The following GRM8 variants were observed in gnomAD, a reference collection of about 807,000 sequenced individuals.
GRM8 encodes glutamate metabotropic receptor 8, also known as metabotropic glutamate receptor 8.
A neutral mutation model predicts 87.2 loss-of-function variants in GRM8; 47 were observed. That is an observed-to-expected ratio of 0.54 (90% CI 0.43 to 0.69). GRM8 has a LOEUF of 0.69. Ranked by LOEUF, GRM8 falls within the 30% of genes least tolerant of loss-of-function variation. GRM8 has a pLI of 0.00. For missense variants in GRM8, 1,019 were observed against 1,139.2 expected (o/e 0.89, Z 1.52); for synonymous variants, 396 against 404.5 (o/e 0.98, Z 0.25).
intron 6 of GRM8, among the ~76,000 whole-genome samples, chr7:126,879,452 T>A (rs990743288): frequency 2.0e-5 from 3 of 152,194 alleles, no homozygotes; most frequent in Admixed American, 6.5e-5. Context: ...TGTAATTATA[T>A]CTAAATGTTC....
intron 6 of GRM8, among the ~76,000 whole-genome samples, chr7:126,806,984 G>A (rs931440462): frequency 2.0e-5 from 3 of 152,204 alleles, no homozygotes; most frequent in South Asian, 2.1e-4. Flanking sequence ...CCTCGAGCGC[G>A]GCCAGAGCGG....
intron 2 of GRM8, among the ~76,000 whole-genome samples, chr7:127,233,009 G>T (rs749125893): frequency 6.6e-6 from 1 of 151,874 alleles, no homozygotes; most frequent in South Asian, 2.1e-4. Flanking sequence ...AGCTAATTTT[G>T]TATTTAGAGA....
At chr7:126,877,701 C>T (rs1421860148) in intron 6 of GRM8, among the ~76,000 whole-genome samples, 2 of 152,168 alleles carry the variant, frequency 1.3e-5, no homozygotes, top group Admixed American at 6.5e-5. Flanking sequence ...AAAGTCTTTA[C>T]TTATCACTCT....
chr7:126,616,553 C>T (rs1362607326), intron 7 of GRM8, among the ~76,000 whole-genome samples: 1 of 151,920 alleles, frequency 6.6e-6, no homozygotes, highest in Non-Finnish European at 1.5e-5. Context: ...GATAGAGACA[C>T]AAAAAAACTC....
chr7:126,782,517 TAATG>T (rs759163798), intron 6 of GRM8, among the ~76,000 whole-genome samples: 12 of 152,144 alleles, frequency 7.9e-5, no homozygotes, highest in Admixed American at 3.9e-4. Flanking sequence ...ATTGAAGGAA[TAATG>T]AAGTATGAAA....
At chr7:127,118,027 G>T (rs1269879638) in intron 2 of GRM8, among the ~76,000 whole-genome samples, 1 of 152,200 alleles carries the variant, frequency 6.6e-6, no homozygotes, top group Non-Finnish European at 1.5e-5. Context: ...TGGATTTTTA[G>T]TGATTATCCG....
chr7:126,811,225 A>G (rs1586033784), intron 6 of GRM8, among the ~76,000 whole-genome samples: 2 of 152,088 alleles, frequency 1.3e-5, no homozygotes, highest in East Asian at 3.9e-4. Context: ...TCATTGATCT[A>G]TATGTCTGTT....
chr7:126,836,997 T>C (rs1795871736), intron 6 of GRM8, among the ~76,000 whole-genome samples: 1 of 152,160 alleles, frequency 6.6e-6, no homozygotes, highest in African/African-American at 2.4e-5. Flanking sequence ...AATAATTTTA[T>C]ATATTTTAAC....
At chr7:127,024,576 T>C (rs1816591266) in intron 3 of GRM8, among the ~76,000 whole-genome samples, 1 of 152,064 alleles carries the variant, frequency 6.6e-6, no homozygotes, top group Admixed American at 6.6e-5. Context: ...AGACGACATC[T>C]CTTTGCTGAC....
chr7:126,808,984 T>A (rs1793040415), intron 6 of GRM8, among the ~76,000 whole-genome samples: 1 of 152,184 alleles, frequency 6.6e-6, no homozygotes, highest in Non-Finnish European at 1.5e-5. Context: ...AGGTCATAAG[T>A]GCAAAATGGG....
intron 7 of GRM8, among the ~76,000 whole-genome samples, chr7:126,658,732 T>G (rs1489994113): frequency 2.6e-5 from 4 of 151,962 alleles, no homozygotes; most frequent in Non-Finnish European, 4.4e-5. Flanking sequence ...ATACTTTATG[T>G]AAAGAAGGAA....
rs1175166719 is a variant in GRM8, at chr7:126,770,129, G to C, written c.1157-64C>G. The C allele has an allele frequency of 2.8e-6, 3 of 1,065,586 alleles. No individual in the cohort carries two copies. The African/African-American group carries it at 4.7e-5, about 17-fold the overall frequency. The allele number at this position is 1,065,586 out of a possible 1,614,324, so 66.0% of individuals were successfully genotyped here. ...GATTCCAATAAAAGACAGCATTAGA[G>C]CTAAGATTTCCATCATTTGAGGAAC... On this transcript the variant is annotated intron_variant, in intron 6 of 10. Coordinates refer to ENST00000339582, the MANE Select transcript of GRM8 (RefSeq NM_000845.3).
At chr7:126,988,837 G>C (rs1428079340) in intron 3 of GRM8, among the ~76,000 whole-genome samples, 2 of 152,176 alleles carry the variant, frequency 1.3e-5, no homozygotes, top group Non-Finnish European at 2.9e-5. Context: ...CACTCAAATA[G>C]TCAAGTTGGC....
chr7:126,893,520 C>G (rs984690704), intron 6 of GRM8, among the ~76,000 whole-genome samples: 1 of 152,004 alleles, frequency 6.6e-6, no homozygotes, highest in Non-Finnish European at 1.5e-5. Flanking sequence ...CACCATGCAT[C>G]ATATCTACAT....
chr7:126,731,351 T>G (rs986197339), intron 7 of GRM8, among the ~76,000 whole-genome samples: 6 of 152,138 alleles, frequency 3.9e-5, no homozygotes, highest in African/African-American at 1.4e-4. Flanking sequence ...CCCTGGAACT[T>G]GAATCATGCC....
chr7:126,487,183 T>C (rs777507366), intron 9 of GRM8, among the ~76,000 whole-genome samples: 15 of 152,100 alleles, frequency 9.9e-5, no homozygotes, highest in Non-Finnish European at 1.9e-4. Flanking sequence ...AGTGGCTTAA[T>C]AGAAGACAAC....
chr7:126,838,726 T>C (rs1271594195), intron 6 of GRM8, among the ~76,000 whole-genome samples: 1 of 152,202 alleles, frequency 6.6e-6, no homozygotes, highest in Non-Finnish European at 1.5e-5. Flanking sequence ...TAAAGACTCA[T>C]ACATTGTTCT....
intron 6 of GRM8, among the ~76,000 whole-genome samples, chr7:126,862,906 C>T (rs970491374): frequency 4.0e-5 from 6 of 151,852 alleles, no homozygotes; most frequent in African/African-American, 1.5e-4. Flanking sequence ...TTCAAAAATC[C>T]ATCCTTTGTA....
intron 8 of GRM8, among the ~76,000 whole-genome samples, chr7:126,566,047 A>G (rs1349198741): frequency 6.6e-6 from 1 of 152,224 alleles, no homozygotes; most frequent in Non-Finnish European, 1.5e-5. Context: ...AAAATGGATT[A>G]AAGAACTAAA....
Sources: allele counts gnomAD v4.1 joint callset (sites outside exome capture counted in the v4.1 genomes callset), GRCh38; gene constraint gnomAD v4.1.1; transcripts MANE v1.5; gene names NCBI Gene and HGNC (gene_info 2026-07-23, HGNC 2026-07-21).